TENM1: variants seen among roughly 807,000 people sequenced by gnomAD.
TENM1 encodes teneurin-1.
A neutral mutation model predicts 174.8 loss-of-function variants in TENM1; 35 were observed. The ratio of observed to expected loss-of-function variants is 0.20; its 90% CI spans 0.15 to 0.27. The LOEUF is 0.27. Among genes scored for constraint, TENM1 ranks in the 10% least tolerant of loss-of-function variants. The probability of loss-of-function intolerance (pLI) is 1.00; values close to 1 mark genes in which losing one functional copy is unlikely to be tolerated. For missense variants in TENM1, 1,633 were observed against 2,130.1 expected (o/e 0.77, Z 4.59); for synonymous variants, 781 against 798.7 (o/e 0.98, Z 0.37).
chrX:124,862,307 G>C (rs980156443), intron 3 of TENM1, among the ~76,000 whole-genome samples: 11 of 111,793 alleles, frequency 9.8e-5, no homozygotes, highest in African/African-American at 2.6e-4. Flanking sequence ...CCAAAAATCA[G>C]GTGAGCACTC....
exon 32 of TENM1, chrX:124,376,277 T>A (rs926927635): frequency 1.8e-5 from 2 of 112,663 alleles, no homozygotes; most frequent in African/African-American, 6.4e-5. Flanking sequence ...TTACTTTTCA[T>A]GAGAAAGTAA....
the TENM1 span, among the ~76,000 whole-genome samples, chrX:125,057,734 C>T: frequency 2.7e-5 from 3 of 111,190 alleles, no homozygotes; most frequent in Non-Finnish European, 5.7e-5. Context: ...GAAATCTGTT[C>T]AATGTTATCA....
intron 27 of TENM1, among the ~76,000 whole-genome samples, 155 bp downstream of exon 30, chrX:124,404,876 G>C (rs2060444236): frequency 9.0e-6 from 1 of 111,552 alleles, no homozygotes; most frequent in Non-Finnish European, 1.9e-5. Flanking sequence ...TTTTGAATTA[G>C]TATATCATAT....
rs1455013532 is a variant in TENM1 at position 124,895,972 on chromosome X, G to T, written c.478+9C>A. Reference sequence around the variant, plus strand: ...GTGTTTTACTTAAACAATTCAAGTAGTTTATTACCATTTTCCCCATCAGAC... The same window carrying T: ...GTGTTTTACTTAAACAATTCAAGTATTTTATTACCATTTTCCCCATCAGAC... On this transcript the variant is annotated intron_variant, in intron 2 of 31. Transcript: ENST00000422452. The T allele has an allele frequency of 4.9e-5, 59 of 1,208,524 alleles. No individual in the cohort carries two copies. Among genetic ancestry groups the T allele is most frequent in the Non-Finnish European group, 6.3e-5 (56 of 894,200 alleles).
intron 3 of TENM1, among the ~76,000 whole-genome samples, chrX:124,838,640 C>G (rs1312823332): frequency 1.8e-5 from 2 of 111,062 alleles, no homozygotes; most frequent in Admixed American, 9.6e-5. Context: ...CTCAATCCCA[C>G]CTGTTACGCA....
At chrX:124,772,296 C>T (rs980211038) in intron 3 of TENM1, among the ~76,000 whole-genome samples, 4 of 111,190 alleles carry the variant, frequency 3.6e-5, no homozygotes, top group East Asian at 2.8e-4. Flanking sequence ...CCACCACACC[C>T]GGATAATTTT....
the TENM1 span, among the ~76,000 whole-genome samples, chrX:124,989,286 A>G: frequency 1.6e-4 from 18 of 111,974 alleles, no homozygotes; most frequent in Admixed American, 9.5e-5. Flanking sequence ...TAAAAATGCC[A>G]ATTATAGCAT....
intron 11 of TENM1, among the ~76,000 whole-genome samples, chrX:124,582,970 G>A (rs1005874688): frequency 5.3e-5 from 6 of 112,340 alleles, no homozygotes; most frequent in Non-Finnish European, 7.5e-5. Context: ...AGACTGCAGC[G>A]ACGCTGGGGG....
At chrX:125,091,272 G>A in the TENM1 span, among the ~76,000 whole-genome samples, 1 of 111,825 alleles carries the variant, frequency 8.9e-6, no homozygotes, top group Admixed American at 9.5e-5. Context: ...GCAAAGTTGA[G>A]GGAGTTCATG....
the TENM1 span, among the ~76,000 whole-genome samples, chrX:125,054,796 G>A: frequency 9.0e-6 from 1 of 111,469 alleles, no homozygotes; most frequent in Non-Finnish European, 1.9e-5. Context: ...TGGAGGAGGC[G>A]AGGGTAACAT....
intron 25 of TENM1, among the ~76,000 whole-genome samples, chrX:124,419,761 G>A (rs1373843697): frequency 8.9e-6 from 1 of 111,946 alleles, no homozygotes. Flanking sequence ...ATGGAATGGA[G>A]CCTCTCCTAT....
At chrX:124,785,858 C>A (rs1010660756) in intron 3 of TENM1, among the ~76,000 whole-genome samples, 2 of 111,949 alleles carry the variant, frequency 1.8e-5, no homozygotes, top group African/African-American at 6.5e-5. Context: ...AAATTATTCA[C>A]AAATATTGTA....
In TENM1 at chrX:124,490,135, G is replaced by A. The variant is rs562208912; in HGVS notation, c.3696-2906C>T. Among the ~76,000 whole-genome samples, 134 of 111,981 alleles carry A rather than the reference G, an allele frequency of 1.2e-3. No homozygotes were observed. In the Middle Eastern group the frequency reaches 0.018, roughly 15 times the overall value. The stretch of plus-strand genomic sequence containing the variant: ...ATGAGCCATTCTAAAAGAGGTTCAT[G>A]TTTTCGGAAATCTTAGAGATGCAAT... On this transcript the variant is annotated intron_variant, in intron 20 of 31. Coordinates refer to ENST00000422452, the Ensembl canonical transcript of TENM1.
chrX:125,039,704 T>C, the TENM1 span, among the ~76,000 whole-genome samples: 5 of 111,474 alleles, frequency 4.5e-5, no homozygotes, highest in Non-Finnish European at 9.5e-5. Flanking sequence ...TGATTTTAGA[T>C]TAAATTGCAG....
chrX:125,012,735 A>G, the TENM1 span, among the ~76,000 whole-genome samples: 1 of 112,084 alleles, frequency 8.9e-6, no homozygotes, highest in African/African-American at 3.2e-5. Context: ...CTTTTGTTAT[A>G]CTTAAAATCA....
At chrX:124,707,256 GC>G (rs1171966078) in intron 4 of TENM1, among the ~76,000 whole-genome samples, 2 of 111,921 alleles carry the variant, frequency 1.8e-5, no homozygotes, top group Non-Finnish European at 3.8e-5. Flanking sequence ...GCCTACCTCA[GC>G]CTCCTAAAGT....
intron 22 of TENM1, 31 bp downstream of exon 25, chrX:124,481,701 A>ATATATC: frequency 2.9e-6 from 1 of 340,660 alleles, no homozygotes; most frequent in Non-Finnish European, 4.8e-6. Flanking sequence ...AAGGGTATAT[A>ATATATC]TATATATATA....
At chrX:124,580,451 C>T (rs1569320123) in intron 11 of TENM1, among the ~76,000 whole-genome samples, 2 of 108,549 alleles carry the variant, frequency 1.8e-5, no homozygotes, top group African/African-American at 6.7e-5. Flanking sequence ...TATAGATATA[C>T]ATGTATATAT....
At chrX:124,482,286 T>C (rs2046862792) in intron 21 of TENM1, among the ~76,000 whole-genome samples, 1 of 110,555 alleles carries the variant, frequency 9.0e-6, no homozygotes, top group Admixed American at 9.7e-5. Flanking sequence ...AATTACCTAC[T>C]AGATCACTGC....
Sources: allele counts gnomAD v4.1 joint callset (sites outside exome capture counted in the v4.1 genomes callset), GRCh38; gene constraint gnomAD v4.1.1; transcripts MANE v1.5; gene names NCBI Gene and HGNC (gene_info 2026-07-23, HGNC 2026-07-21).